TESMIN: variants seen among roughly 807,000 people sequenced by gnomAD.
TESMIN encodes the protein CXC domain containing 2.
Under a neutral mutation model 47.4 loss-of-function variants are expected in TESMIN, and 34 were observed. The observed-to-expected ratio is 0.72, with a 90% CI of 0.55 to 0.96. TESMIN has a LOEUF of 0.96. Among genes scored for constraint, TESMIN ranks in the 40% least tolerant of loss-of-function variants. The pLI is 0.00. For missense variants in TESMIN, 610 were observed against 637.2 expected (o/e 0.96, Z 0.46); for synonymous variants, 278 against 258.9 (o/e 1.07, Z -0.71).
intron 6 of TESMIN, 174 bp downstream of exon 6, chr11:68,738,526 C>T: frequency 7.2e-7 from 1 of 1,392,562 alleles, no homozygotes; most frequent in Non-Finnish European, 9.3e-7. Flanking sequence ...CCCAGTGAAA[C>T]CAGACACAGA....
At chr11:68,732,762 C>G (rs926377183) in intron 6 of TESMIN, 2 of 152,222 alleles carry the variant, frequency 1.3e-5, no homozygotes, top group African/African-American at 4.8e-5. Context: ...GACAGTCAAC[C>G]CTAGACTGTC....
chr11:68,717,047 C>T (rs771377340), intron 6 of TESMIN, among the ~76,000 whole-genome samples: 2 of 152,232 alleles, frequency 1.3e-5, no homozygotes, highest in Non-Finnish European at 2.9e-5. Context: ...AAACCCTGGG[C>T]GTGTGAAGCT....
intron 9 of TESMIN, among the ~76,000 whole-genome samples, chr11:68,708,754 G>GA (rs1448842696): frequency 7.9e-4 from 92 of 116,854 alleles, no homozygotes; most frequent in Non-Finnish European, 1.5e-3. Context: ...AACAAAGTGA[G>GA]ACCCTTTTTT....
chr11:68,736,710 C>T (rs1946390931), intron 6 of TESMIN: 2 of 980,018 alleles, frequency 2.0e-6, no homozygotes. Context: ...TAAAGAAAAA[C>T]ATGTGACTGA....
intron 6 of TESMIN, among the ~76,000 whole-genome samples, chr11:68,721,133 A>T (rs906515445): frequency 6.6e-6 from 1 of 152,200 alleles, no homozygotes; most frequent in Non-Finnish European, 1.5e-5. Context: ...ATTGCTGTAC[A>T]TACCCCATAC....
intron 5 of TESMIN, among the ~76,000 whole-genome samples, chr11:68,740,169 C>G (rs1010943231): frequency 6.6e-6 from 1 of 152,068 alleles, no homozygotes; most frequent in Non-Finnish European, 1.5e-5. Context: ...AAATCTGATT[C>G]AGGGGGTCTG....
intron 7 of TESMIN, among the ~76,000 whole-genome samples, chr11:68,714,469 C>T (rs986478943): frequency 5.3e-5 from 8 of 152,210 alleles, no homozygotes. Context: ...GGTGCACCCC[C>T]GCGGGGAATG....
At chr11:68,711,287 GTGT>G (rs1946065766) in intron 8 of TESMIN, among the ~76,000 whole-genome samples, 1 of 139,060 alleles carries the variant, frequency 7.2e-6, no homozygotes, top group Non-Finnish European at 1.6e-5. Flanking sequence ...GAGTGTGTGT[GTGT>G]TGAGCGTGTA....
chr11:68,720,304 CA>C (rs1183917644), intron 6 of TESMIN, among the ~76,000 whole-genome samples: 2 of 152,210 alleles, frequency 1.3e-5, no homozygotes, highest in African/African-American at 4.8e-5. Context: ...CTCTCTCTCC[CA>C]CACTCCAGAC....
rs1469425307 is a variant in TESMIN at position 68,747,090 on chromosome 11, T to G, written c.630+118A>C. 2.5e-6 allele frequency: 3 copies of G among 1,183,968 alleles called. No homozygotes were observed. The African/African-American group carries it at 4.6e-5, about 18-fold the overall frequency. 73.3% of individuals were successfully genotyped at this position (1,183,968 alleles called of 1,614,324 possible). ...GTTTTGCTAATGAGACAACCAAAAA[T>G]CCTGATACAATACATACGTGAAATG... is the stretch of plus-strand genomic sequence containing the variant. On this transcript the variant is annotated intron_variant, in intron 3 of 9. Coordinates refer to ENST00000255087, the MANE Select transcript of TESMIN (RefSeq NM_004923.3).
Position 68,717,589 on chromosome 11 carries a change from C to T in TESMIN, c.918-1650G>A, listed in dbSNP as rs368247271. Reference sequence around the variant, plus strand: ...ATTTGGACACCAGATAGCAGAGGGGCGAGAGAACTGGCGTGGCAGACTCAA... The same window carrying T: ...ATTTGGACACCAGATAGCAGAGGGGTGAGAGAACTGGCGTGGCAGACTCAA... On this transcript the variant is annotated intron_variant, in intron 6 of 9. Transcript: ENST00000255087. Among the ~76,000 whole-genome samples the T allele has an allele frequency of 1.6e-4, 25 of 152,236 alleles. No individual in the cohort carries two copies. In the Middle Eastern group the frequency reaches 0.014, roughly 83 times the overall value.
At chr11:68,727,647 T>C (rs1165863782) in intron 6 of TESMIN, among the ~76,000 whole-genome samples, 1 of 152,226 alleles carries the variant, frequency 6.6e-6, no homozygotes, top group Non-Finnish European at 1.5e-5. Flanking sequence ...TTTGTTCTAT[T>C]GGGCTTCACA....
intron 6 of TESMIN, among the ~76,000 whole-genome samples, chr11:68,733,386 A>G (rs1946351513): frequency 1.3e-5 from 2 of 152,344 alleles, no homozygotes; most frequent in Non-Finnish European, 2.9e-5. Context: ...CCAAAACCCA[A>G]GAAAAATTAC....
chr11:68,739,499 C>CCCTT (rs1946431341), intron 5 of TESMIN, among the ~76,000 whole-genome samples: 1 of 152,182 alleles, frequency 6.6e-6, no homozygotes, highest in Non-Finnish European at 1.5e-5. Flanking sequence ...ATATCCTTGT[C>CCCTT]CCTTCCTCTG....
intron 7 of TESMIN, among the ~76,000 whole-genome samples, chr11:68,714,826 G>A (rs570520292): frequency 5.3e-5 from 8 of 152,340 alleles, no homozygotes; most frequent in South Asian, 2.1e-4. Context: ...AGTTTTGGTA[G>A]CTATTGTCAA....
chr11:68,722,003 C>A (rs1177646123), intron 6 of TESMIN, among the ~76,000 whole-genome samples: 1 of 152,134 alleles, frequency 6.6e-6, no homozygotes, highest in African/African-American at 2.4e-5. Flanking sequence ...AGCAGGGACT[C>A]AACCAGATAC....
rs548598073 is a variant in TESMIN, at chr11:68,741,171, C to T, written c.828+1147G>A. ...GGCTCACCGTTCTCCTTGACCCCTCCTCCCCACCAGCCCCTCTTTAGAGTG... is the reference window on the plus strand; with the variant it reads ...GGCTCACCGTTCTCCTTGACCCCTCTTCCCCACCAGCCCCTCTTTAGAGTG... On this transcript the variant is annotated intron_variant, in intron 5 of 9. Coordinates refer to ENST00000255087, the MANE Select transcript of TESMIN (RefSeq NM_004923.3). Among the ~76,000 whole-genome samples the T allele has an allele frequency of 3.1e-4, 47 of 152,274 alleles. 1 individual carries two copies. Among genetic ancestry groups the T allele is most frequent in the Admixed American group, 2.7e-3 (41 of 15,300 alleles).
At chr11:68,728,995 C>T (rs1402168779) in intron 6 of TESMIN, among the ~76,000 whole-genome samples, 1 of 152,208 alleles carries the variant, frequency 6.6e-6, no homozygotes, top group Non-Finnish European at 1.5e-5. Flanking sequence ...CTCATGCCTG[C>T]AAACACAATA....
downstream of TESMIN, among the ~76,000 whole-genome samples, chr11:68,705,554 A>T (rs186575541): frequency 2.0e-5 from 3 of 152,320 alleles, no homozygotes; most frequent in Admixed American, 1.3e-4. Context: ...GTGTTCACTG[A>T]CAGGAAAGAG....
Sources: gnomAD v4.1 joint callset for allele counts (sites outside exome capture counted in the v4.1 genomes callset) on GRCh38, gnomAD v4.1.1 for gene constraint, MANE v1.5 for transcripts, NCBI Gene and HGNC (gene_info 2026-07-23, HGNC 2026-07-21) for gene names.